Variants in DMRT1 observed in about 807,000 individuals in gnomAD.
DMRT1 encodes doublesex- and mab-3-related transcription factor 1.
In DMRT1, 7 loss-of-function variants were observed where a neutral mutation model predicts 32.3. That is an observed-to-expected ratio of 0.22 (90% CI 0.12 to 0.41). DMRT1 has a LOEUF of 0.41. Among genes scored for constraint, DMRT1 ranks in the 10% least tolerant of loss-of-function variants. The probability of loss-of-function intolerance (pLI) is 1.00; values close to 1 mark genes in which losing one functional copy is unlikely to be tolerated. For synonymous variants in DMRT1, 278 were observed against 206.1 expected, an observed-to-expected ratio of 1.35 and a Z score of -2.99; for missense variants, 625 against 500.5, an observed-to-expected ratio of 1.25 and a Z score of -2.37.
rs572739927 is a variant in DMRT1, at chr9:907,786, C to G, written c.823-8977C>G. On this transcript the variant is annotated intron_variant, in intron 3 of 4. Coordinates refer to ENST00000382276, the MANE Select transcript of DMRT1 (RefSeq NM_021951.3). ...CTCTTTTATTCTGTTCTGTTCTATT[C>G]TATTGCATTCTGTTCAATTCCATAC... Among the ~76,000 whole-genome samples the G allele has an allele frequency of 4.0e-5, 6 of 151,780 alleles. No homozygotes were observed. The South Asian group carries it at 6.3e-4, about 16-fold the overall frequency.
intron 3 of DMRT1, among the ~76,000 whole-genome samples, chr9:911,225 T>A (rs1268441759): frequency 3.9e-5 from 6 of 152,082 alleles, no homozygotes; most frequent in Non-Finnish European, 2.9e-5. Context: ...CAGCATCAAC[T>A]CCCTGCCCCC....
intron 2 of DMRT1, among the ~76,000 whole-genome samples, chr9:875,592 A>T (rs775814287): frequency 3.9e-5 from 6 of 152,200 alleles, no homozygotes; most frequent in Non-Finnish European, 8.8e-5. Context: ...AAATATATGG[A>T]TGATGGTGTG....
intron 1 of DMRT1, among the ~76,000 whole-genome samples, chr9:844,076 T>C (rs1838802664): frequency 6.6e-6 from 1 of 152,186 alleles, no homozygotes. Context: ...GAGAACATGC[T>C]TGGGGGATTT....
At chr9:903,265 A>AC (rs1817655729) in intron 3 of DMRT1, among the ~76,000 whole-genome samples, 1 of 134,568 alleles carries the variant, frequency 7.4e-6, no homozygotes, top group Non-Finnish European at 1.6e-5. Context: ...GTCCTTGCCC[A>AC]CCCCCACCCA....
At chr9:956,160 A>T (rs1050845643) in intron 4 of DMRT1, among the ~76,000 whole-genome samples, 3 of 152,230 alleles carry the variant, frequency 2.0e-5, no homozygotes, top group African/African-American at 4.8e-5. Context: ...TAAGTAAAAT[A>T]AGCCAGACAC....
At chr9:900,375 C>G (rs562180276) in intron 3 of DMRT1, among the ~76,000 whole-genome samples, 1 of 152,142 alleles carries the variant, frequency 6.6e-6, no homozygotes, top group South Asian at 2.1e-4. Context: ...CCACTGCCCC[C>G]CCTTTTTTTG....
intron 2 of DMRT1, 47 bp from the exon 3 acceptor site, chr9:893,865 A>G: frequency 6.4e-7 from 1 of 1,572,960 alleles, no homozygotes; most frequent in Non-Finnish European, 8.7e-7. Flanking sequence ...AGTTTCGTGG[A>G]CTAACATTAA....
At chr9:890,083 G>A (rs998671527) in intron 2 of DMRT1, among the ~76,000 whole-genome samples, 6 of 108,886 alleles carry the variant, frequency 5.5e-5, no homozygotes, top group Non-Finnish European at 5.9e-5. Flanking sequence ...GCCACCAAAC[G>A]TGTTTTTTTT....
At chr9:961,409 CTT>C (rs1386822325) in intron 4 of DMRT1, among the ~76,000 whole-genome samples, 2 of 152,172 alleles carry the variant, frequency 1.3e-5, no homozygotes, top group Non-Finnish European at 2.9e-5. Context: ...TTAGGACAAA[CTT>C]AGGCTCAAAA....
At chr9:895,879 A>G (rs1817337616) in intron 3 of DMRT1, among the ~76,000 whole-genome samples, 1 of 141,410 alleles carries the variant, frequency 7.1e-6, no homozygotes. Flanking sequence ...ATCTCGGCTC[A>G]CTGCAACCTC....
intron 4 of DMRT1, among the ~76,000 whole-genome samples, chr9:925,075 A>C (rs1818477306): frequency 6.6e-6 from 1 of 152,164 alleles, no homozygotes; most frequent in Middle Eastern, 3.2e-3. Flanking sequence ...GGTCACACTT[A>C]CTCATGTAAG....
intron 2 of DMRT1, among the ~76,000 whole-genome samples, chr9:860,610 G>A (rs1815616790): frequency 6.6e-6 from 1 of 152,204 alleles, no homozygotes; most frequent in Non-Finnish European, 1.5e-5. Flanking sequence ...GGCTGCCAGG[G>A]AAGACAGTTG....
At chr9:933,431 G>A (rs1028004303) in intron 4 of DMRT1, among the ~76,000 whole-genome samples, 2 of 152,174 alleles carry the variant, frequency 1.3e-5, no homozygotes, top group African/African-American at 4.8e-5. Flanking sequence ...GGTAGGTAGA[G>A]CAAAAACCAC....
Position 855,193 on chromosome 9 carries a change from AT to A in DMRT1, c.538+8054del, listed in dbSNP as rs542432575. Among the ~76,000 whole-genome samples, 100 of 152,272 alleles carry A rather than the reference AT, an allele frequency of 6.6e-4. 1 individual carries two copies. The highest frequency in any genetic ancestry group is 2.3e-3 in the African/African-American group (96 of 41,560). On this transcript the variant is annotated intron_variant, in intron 2 of 4. Coordinates refer to ENST00000382276, the MANE Select transcript of DMRT1 (RefSeq NM_021951.3). The stretch of plus-strand genomic sequence containing the variant: ...CAGATAGAAACTTTCTGTGGATAGT[AT>A]TTTAATAAAGCAATTATGAAAACAA...
intron 2 of DMRT1, among the ~76,000 whole-genome samples, chr9:862,333 C>A (rs1369078960): frequency 2.6e-5 from 4 of 152,128 alleles, no homozygotes; most frequent in Non-Finnish European, 5.9e-5. Flanking sequence ...AACCCCGTCT[C>A]CACCGAAAAA....
At chr9:944,656 A>G (rs1013246297) in intron 4 of DMRT1, among the ~76,000 whole-genome samples, 5 of 152,176 alleles carry the variant, frequency 3.3e-5, no homozygotes, top group African/African-American at 1.2e-4. Flanking sequence ...CGTTGCCCTC[A>G]TTTATAAGTA....
chr9:926,899 A>C (rs572130585), intron 4 of DMRT1, among the ~76,000 whole-genome samples: 1 of 152,352 alleles, frequency 6.6e-6, no homozygotes, highest in East Asian at 1.9e-4. Context: ...TTGTGGGTAC[A>C]TCACAAATCA....
intron 2 of DMRT1, among the ~76,000 whole-genome samples, chr9:873,615 A>G (rs186197839): frequency 1.3e-5 from 2 of 152,186 alleles, no homozygotes; most frequent in East Asian, 3.9e-4. Flanking sequence ...CACCGCGCCC[A>G]GCCTCTATAG....
chr9:955,595 A>G (rs1209166356), intron 4 of DMRT1, among the ~76,000 whole-genome samples: 3 of 152,154 alleles, frequency 2.0e-5, no homozygotes, highest in African/African-American at 4.8e-5. Flanking sequence ...AGTCTCAGCT[A>G]CTGGGGAGGC....
Sources: gnomAD v4.1 joint callset for allele counts (sites outside exome capture counted in the v4.1 genomes callset) on GRCh38, gnomAD v4.1.1 for gene constraint, MANE v1.5 for transcripts, NCBI Gene and HGNC (gene_info 2026-07-23, HGNC 2026-07-21) for gene names.